The following SLC28A2 variants were observed in gnomAD, a reference collection of about 807,000 sequenced individuals.
The protein encoded by SLC28A2 is solute carrier family 28 member 2.
In SLC28A2, 69 loss-of-function variants were observed where a neutral mutation model predicts 72.9. The observed-to-expected ratio is 0.95, with a 90% CI of 0.78 to 1.16. The LOEUF (loss-of-function observed/expected upper bound fraction) is 1.16, where lower values mean the gene tolerates loss of function less well. Ranked by LOEUF, SLC28A2 falls within the 50% of genes most tolerant of loss-of-function variation. The pLI is 0.00. For missense variants in SLC28A2, 745 were observed against 791.1 expected (o/e 0.94, Z 0.70); for synonymous variants, 296 against 294.1 (o/e 1.01, Z -0.07).
chr15:45,265,748 TAG>T, intron 9 of SLC28A2, 85 bp downstream of exon 9: 2 of 917,444 alleles, frequency 2.2e-6, no homozygotes, highest in East Asian at 2.4e-5. Context: ...AGCTAAGGTC[TAG>T]AGTGTTAGAA....
At chr15:45,266,529 G>C (rs1367851475) in intron 10 of SLC28A2, among the ~76,000 whole-genome samples, 3 of 152,054 alleles carry the variant, frequency 2.0e-5, no homozygotes, top group Non-Finnish European at 4.4e-5. Flanking sequence ...TGGTTTCCAG[G>C]GTCTCTAAGG....
At chr15:45,271,547 G>C (rs1440380852) in intron 15 of SLC28A2, among the ~76,000 whole-genome samples, 1 of 135,678 alleles carries the variant, frequency 7.4e-6, no homozygotes, top group East Asian at 2.0e-4. Context: ...GGGTGACATG[G>C]GGAGGTCCTG....
Position 45,262,042 on chromosome 15 carries a change from A to T in SLC28A2, c.198A>T (p.Ala66=). 6.2e-7 allele frequency: 1 copy of T among 1,613,714 alleles called. No individual in the cohort carries two copies. The highest frequency in any genetic ancestry group is 8.5e-7 in the Non-Finnish European group (1 of 1,179,618). ...GGAGTCGGTGGCCTTTCAGCAAAGC[A>T]AGAAGTTTCTGCAAAACACACGCCA... is the stretch of plus-strand genomic sequence containing the variant. ...QRRSRWPFSK[A]RSFCKTHASL... Residue 66 remains alanine (A), a synonymous_variant, in exon 4 of 18, where the codon GCA becomes GCT. Transcript: ENST00000347644.
rs1408660659 is a variant in SLC28A2 at position 45,275,980 on chromosome 15, C to A, written c.*467C>A. 1 of 150,210 alleles carries A rather than the reference C, an allele frequency of 6.7e-6. No individual in the cohort carries two copies. Among genetic ancestry groups the A allele is most frequent in the Non-Finnish European group, 1.5e-5 (1 of 67,760 alleles). 9.3% of individuals were successfully genotyped at this position (150,210 alleles called of 1,614,324 possible). On this transcript the variant is annotated 3_prime_UTR_variant, in exon 18 of 18. Transcript: ENST00000347644. Reference sequence around the variant, plus strand: ...AGATTCATTTTGGTTCGCTGTATCCCAATAACGAAAAATAGCTTTTGTTTT... The same window carrying A: ...AGATTCATTTTGGTTCGCTGTATCCAAATAACGAAAAATAGCTTTTGTTTT...
At chr15:45,261,305 G>A (rs190880732) in intron 3 of SLC28A2, among the ~76,000 whole-genome samples, 50 of 151,654 alleles carry the variant, frequency 3.3e-4, no homozygotes, top group Admixed American at 2.6e-3. Flanking sequence ...TTCTGTGTTC[G>A]CTCCTTACAG....
Position 45,276,406 on chromosome 15 carries a change from A to G in SLC28A2, c.*893A>G, listed in dbSNP as rs1303712938. On this transcript the variant is annotated 3_prime_UTR_variant, in exon 18 of 18. Transcript: ENST00000347644. ...AATGACGAGTTAATGGGTGCAGCACACTAGCATGGCACATGTATACATATG... is the reference window on the plus strand; with the variant it reads ...AATGACGAGTTAATGGGTGCAGCACGCTAGCATGGCACATGTATACATATG... The G allele has an allele frequency of 6.6e-6, 1 of 152,118 alleles. No individual in the cohort carries two copies. Among genetic ancestry groups the G allele is most frequent in the Admixed American group, 6.5e-5 (1 of 15,272 alleles). 9.4% of individuals were successfully genotyped at this position (152,118 alleles called of 1,614,324 possible). A position where few individuals can be genotyped will look rare whatever the true frequency, so the allele number is the denominator to read the frequency against.
At chr15:45,261,613 C>G (rs975535732) in intron 3 of SLC28A2, among the ~76,000 whole-genome samples, 1 of 152,172 alleles carries the variant, frequency 6.6e-6, no homozygotes, top group African/African-American at 2.4e-5. Flanking sequence ...CTGTTCAAGG[C>G]CATAGGTTTG....
chr15:45,252,391 C>T (rs927126870), intron 1 of SLC28A2, 113 bp downstream of exon 1: 1 of 439,462 alleles, frequency 2.3e-6, no homozygotes, highest in African/African-American at 2.0e-5. Flanking sequence ...CCCTAATTTA[C>T]ACAATATAAG....
Position 45,267,514 on chromosome 15 carries a change from T to C in SLC28A2, c.1002T>C (p.His334=), listed in dbSNP as rs200832215. The C allele has an allele frequency of 1.2e-4, 188 of 1,614,142 alleles. No homozygotes were observed. Among genetic ancestry groups the C allele is most frequent in the Non-Finnish European group, 1.5e-4 (180 of 1,180,000 alleles). ...GGGACATGACACTCTCTGAAATCCA[T>C]GCGGTGATGACTGGAGGGTTTGCCA... is the stretch of plus-strand genomic sequence containing the variant. ...YLGDMTLSEI[H]AVMTGGFATI... The change falls in exon 11 of 18, where the codon CAT becomes CAC. Residue 334 remains histidine, a synonymous_variant. Transcript: ENST00000347644.
chr15:45,262,880 G>C (rs771316678), intron 4 of SLC28A2, among the ~76,000 whole-genome samples, 181 bp from the exon 5 acceptor site: 3 of 152,208 alleles, frequency 2.0e-5, no homozygotes, highest in Non-Finnish European at 4.4e-5. Flanking sequence ...TCCTCAAGAA[G>C]AGGACAGTTA....
In SLC28A2 at chr15:45,277,513, G is replaced by T. The variant is rs1900784938; in HGVS notation, c.*2000G>T. On this transcript the variant is annotated 3_prime_UTR_variant, in exon 18 of 18. Transcript: ENST00000347644. ...ATTAAAAAAAGAAGTACTGATTTAT[G>T]CTATGTAGAGGCACCCCGAAAACAT... 1 of 151,218 alleles carries T rather than the reference G, an allele frequency of 6.6e-6. No individual in the cohort carries two copies. The highest frequency in any genetic ancestry group is 2.4e-5 in the African/African-American group (1 of 41,214). The allele number at this position is 151,218 out of a possible 1,614,324, so 9.4% of individuals were successfully genotyped here. A position where few individuals can be genotyped will look rare whatever the true frequency, so the allele number is the denominator to read the frequency against.
In SLC28A2 at chr15:45,270,228, T is replaced by G; in HGVS notation, c.1600T>G (p.Cys534Gly). Reference protein sequence around the residue: ...RAEIITTFSLCGFANLSSIGI... With the variant: ...RAEIITTFSLGGFANLSSIGI... Reference sequence around the variant, plus strand: ...TGAAATCATTACAACATTTTCACTCTGTGGATTTGCCAATCTTAGTTCCAT... The same window carrying G: ...TGAAATCATTACAACATTTTCACTCGGTGGATTTGCCAATCTTAGTTCCAT... The change falls in exon 15 of 18, where the codon TGT (cysteine) becomes GGT (glycine). Residue 534 changes from cysteine (C) to glycine (G), a missense_variant. By Grantham distance (159) the Cys-to-Gly change is radical. Transcript: ENST00000347644. 6.2e-7 allele frequency: 1 copy of G among 1,613,882 alleles called. No homozygotes were observed. Among genetic ancestry groups the G allele is most frequent in the Non-Finnish European group, 8.5e-7 (1 of 1,179,722 alleles).
chr15:45,261,739 CCT>C (rs1567057959), intron 3 of SLC28A2, among the ~76,000 whole-genome samples: 1 of 152,130 alleles, frequency 6.6e-6, no homozygotes, highest in Admixed American at 6.5e-5. Flanking sequence ...GTAGTAGACC[CCT>C]GACATGAGCA....
At chr15:45,275,251 T>C in intron 17 of SLC28A2, 145 bp from the exon 18 acceptor site, 1 of 637,558 alleles carries the variant, frequency 1.6e-6, no homozygotes, top group Non-Finnish European at 2.8e-6. Context: ...AAAAGAAACA[T>C]AATTGGGTTC....
At chr15:45,270,356 T>C in intron 15 of SLC28A2, 80 bp downstream of exon 15, 2 of 952,016 alleles carry the variant, frequency 2.1e-6, no homozygotes, top group Middle Eastern at 2.1e-4. Flanking sequence ...GGTGCTTCAG[T>C]ACAAGCTGGG....
At chr15:45,264,329 T>C (rs1291070766) in intron 6 of SLC28A2, among the ~76,000 whole-genome samples, 1 of 152,210 alleles carries the variant, frequency 6.6e-6, no homozygotes, top group Non-Finnish European at 1.5e-5. Context: ...AAAAATAGAA[T>C]ACAGTAGAAA....
intron 9 of SLC28A2, 34 bp from the exon 10 acceptor site, chr15:45,266,047 A>G: frequency 7.0e-7 from 1 of 1,434,640 alleles, no homozygotes; most frequent in Non-Finnish European, 9.8e-7. Context: ...GATTCCTGCT[A>G]ACATTAATGG....
Position 45,264,025 on chromosome 15 carries a change from G to A in SLC28A2, c.588+3G>A, listed in dbSNP as rs770398281. ...CCTGCTCCAAACACCACAGCGCAGT[G>A]AGTTTTGGGTATTTGGGTTGGGTAT... On this transcript the variant is annotated splice_donor_region_variant and intron_variant, in intron 6 of 17. Transcript: ENST00000347644. 3.1e-6 allele frequency: 5 copies of A among 1,608,314 alleles called. No homozygotes were observed. The Admixed American group carries it at 6.7e-5, about 22-fold the overall frequency.
Position 45,264,029 on chromosome 15 carries a change from TTTGGGTATTTGGG to T in SLC28A2, c.588+16_588+28del. 6.2e-7 allele frequency: 1 copy of T among 1,605,100 alleles called. No individual in the cohort carries two copies. The highest frequency in any genetic ancestry group is 8.5e-7 in the Non-Finnish European group (1 of 1,175,108). ...CTCCAAACACCACAGCGCAGTGAGT[TTTGGGTATTTGGG>T]TTGGGTATAGCAACACATGGCCAAG... On this transcript the variant is annotated splice_region_variant and intron_variant, in intron 6 of 17. Coordinates refer to ENST00000347644, the MANE Select transcript of SLC28A2 (RefSeq NM_004212.4).
Sources: gnomAD v4.1 joint callset for allele counts (sites outside exome capture counted in the v4.1 genomes callset) on GRCh38, gnomAD v4.1.1 for gene constraint, MANE v1.5 for transcripts, NCBI Gene and HGNC (gene_info 2026-07-23, HGNC 2026-07-21) for gene names.